Variants in PHF21A observed in about 807,000 individuals in gnomAD.
PHF21A encodes the protein BHC80a.
Under a neutral mutation model 82.5 loss-of-function variants are expected in PHF21A, and 11 were observed. The ratio of observed to expected loss-of-function variants is 0.13; its 90% CI spans 0.08 to 0.22. The LOEUF (loss-of-function observed/expected upper bound fraction) is 0.22. Among genes scored for constraint, PHF21A ranks in the 10% least tolerant of loss-of-function variants. The probability of loss-of-function intolerance (pLI) is 1.00; values close to 1 mark genes in which losing one functional copy is unlikely to be tolerated. For missense variants in PHF21A, 579 were observed against 837.8 expected (o/e 0.69, Z 3.81); for synonymous variants, 297 against 302.8 (o/e 0.98, Z 0.20).
chr11:46,097,631 A>G (rs965571235), intron 1 of PHF21A, among the ~76,000 whole-genome samples: 21 of 152,156 alleles, frequency 1.4e-4, no homozygotes, highest in African/African-American at 4.8e-4. Flanking sequence ...CTCTCTAACT[A>G]TCCAAATCTC....
At chr11:46,021,086 G>T (rs1013110520) in intron 6 of PHF21A, among the ~76,000 whole-genome samples, 1 of 151,208 alleles carries the variant, frequency 6.6e-6, no homozygotes, top group Non-Finnish European at 1.5e-5. Flanking sequence ...GAGAGACAAG[G>T]TCTTACTCTA....
chr11:46,015,454 C>G lies in PHF21A; in HGVS notation c.154-35488G>C, dbSNP rs185973044. On this transcript the variant is annotated intron_variant, in intron 6 of 18. Transcript: ENST00000676320. ...AGAAAAGTATTTCCAAGGTTTTCTT[C>G]TAGGATTCTTATAGTTTGAGATTTT... is the stretch of plus-strand genomic sequence containing the variant. Among the ~76,000 whole-genome samples, 22 of 152,050 alleles carry G rather than the reference C, an allele frequency of 1.4e-4. No homozygotes were observed. In the East Asian group the frequency reaches 4.2e-3, roughly 29 times the overall value.
At chr11:45,940,370 AT>A (rs1057266525) in intron 15 of PHF21A, among the ~76,000 whole-genome samples, 3 of 151,798 alleles carry the variant, frequency 2.0e-5, no homozygotes, top group Non-Finnish European at 2.9e-5. Flanking sequence ...TAACTTTTAT[AT>A]TTTTAGTAGA....
intron 7 of PHF21A, among the ~76,000 whole-genome samples, chr11:45,976,562 C>A (rs1215703657): frequency 6.6e-6 from 1 of 152,196 alleles, no homozygotes; most frequent in Non-Finnish European, 1.5e-5. Flanking sequence ...GTTAGTAGTG[C>A]CAAGCGCAGT....
chr11:45,944,688 C>G lies in PHF21A; in HGVS notation c.1452+1152G>C, dbSNP rs556043991. The stretch of plus-strand genomic sequence containing the variant: ...CCCTCTGCCTGGCAGGCTCTTCCCC[C>G]AGATCCTCCCGAGGCTTCACCACTC... On this transcript the variant is annotated intron_variant, in intron 15 of 18. Transcript: ENST00000676320. 7.2e-5 allele frequency among the ~76,000 whole-genome samples: 11 copies of G among 152,382 alleles called. No individual in the cohort carries two copies. In the South Asian group the frequency reaches 2.1e-3, roughly 29 times the overall value.
In PHF21A at chr11:45,962,883, A is replaced by G. The variant is rs1305671323; in HGVS notation, c.996+2432T>C. Among the ~76,000 whole-genome samples the G allele has an allele frequency of 2.6e-5, 4 of 151,536 alleles. No homozygotes were observed. The South Asian group carries it at 8.4e-4, about 32-fold the overall frequency. On this transcript the variant is annotated intron_variant, in intron 10 of 18. Transcript: ENST00000676320. ...ACTCCAGCCTGGGCGACAGAGCGAG[A>G]CTCTGTCTCAAAAAAGAGAAGAGAG...
intron 4 of PHF21A, among the ~76,000 whole-genome samples, chr11:46,082,313 G>A (rs531627480): frequency 1.1e-4 from 16 of 152,090 alleles, no homozygotes; most frequent in African/African-American, 3.9e-4. Context: ...CCACTATTTC[G>A]TCAAATGTAT....
chr11:46,119,146 T>C (rs553485900), intron 1 of PHF21A, among the ~76,000 whole-genome samples: 1 of 152,054 alleles, frequency 6.6e-6, no homozygotes, highest in African/African-American at 2.4e-5. Flanking sequence ...CAAATTAATC[T>C]GATTCTAATA....
intron 10 of PHF21A, among the ~76,000 whole-genome samples, chr11:45,964,200 A>AAATAATAATAATAATAATAAT (rs58644528): frequency 0.029 from 3,916 of 134,538 alleles, 88 homozygotes; most frequent in Non-Finnish European, 0.035. Context: ...CTCCATCTCA[A>AAATAATAATAATAATAATAAT]AATAATAATA....
chr11:46,085,911 T>C (rs2096851235), intron 3 of PHF21A, among the ~76,000 whole-genome samples: 1 of 152,084 alleles, frequency 6.6e-6, no homozygotes, highest in Non-Finnish European at 1.5e-5. Context: ...TACTAGATTA[T>C]ATAACATCAA....
chr11:45,945,088 T>C (rs1314774628), intron 15 of PHF21A, among the ~76,000 whole-genome samples: 3 of 152,220 alleles, frequency 2.0e-5, no homozygotes, highest in Non-Finnish European at 4.4e-5. Context: ...GCACTTATCA[T>C]TACCTGACAT....
intron 11 of PHF21A, among the ~76,000 whole-genome samples, chr11:45,952,051 C>T (rs1272202485): frequency 1.3e-5 from 2 of 152,122 alleles, no homozygotes; most frequent in Non-Finnish European, 2.9e-5. Context: ...GTGGTCCGCC[C>T]GCCTCAGCCT....
chr11:46,116,984 A>C (rs951080060), intron 1 of PHF21A: 7 of 152,252 alleles, frequency 4.6e-5, no homozygotes, highest in African/African-American at 1.7e-4. Context: ...AAAAAAATAA[A>C]AAAACTATAG....
At chr11:46,082,150 A>G (rs983277421) in intron 4 of PHF21A, among the ~76,000 whole-genome samples, 5 of 152,216 alleles carry the variant, frequency 3.3e-5, no homozygotes, top group Non-Finnish European at 5.9e-5. Context: ...TTTCATAACT[A>G]TCTCACCATT....
intron 1 of PHF21A, among the ~76,000 whole-genome samples, chr11:46,100,087 A>G (rs2097072333): frequency 6.6e-6 from 1 of 152,216 alleles, no homozygotes; most frequent in South Asian, 2.1e-4. Context: ...CAAAAACCAC[A>G]AAGAAACAGG....
At chr11:45,964,994 T>C (rs1390151238) in intron 10 of PHF21A, among the ~76,000 whole-genome samples, 1 of 152,186 alleles carries the variant, frequency 6.6e-6, no homozygotes, top group Non-Finnish European at 1.5e-5. Flanking sequence ...CATGGCGTTT[T>C]CTGTTTACTA....
intron 6 of PHF21A, among the ~76,000 whole-genome samples, chr11:46,018,016 C>T (rs909017068): frequency 1.3e-5 from 2 of 151,876 alleles, no homozygotes; most frequent in African/African-American, 4.8e-5. Context: ...TTTGGGAGGC[C>T]GAGGCGGGCG....
intron 1 of PHF21A, among the ~76,000 whole-genome samples, chr11:46,119,310 T>C (rs775630715): frequency 9.2e-5 from 14 of 152,144 alleles, no homozygotes; most frequent in Admixed American, 2.0e-4. Context: ...AGCCACAAAG[T>C]TCACTGTCAA....
chr11:45,946,007 T>C lies in PHF21A; in HGVS notation c.1289-4A>G. On this transcript the variant is annotated splice_region_variant and splice_polypyrimidine_tract_variant and intron_variant, in intron 14 of 18. Coordinates refer to ENST00000676320, the MANE Select transcript of PHF21A (RefSeq NM_001352027.3). ...GCATTGTATTTTGGAGGACGACCTA[T>C]ATACCAAGAGAAGGGAACAAAAGGG... 3.1e-6 allele frequency: 5 copies of C among 1,613,788 alleles called. No individual in the cohort carries two copies. Among genetic ancestry groups the C allele is most frequent in the South Asian group, 1.1e-5 (1 of 91,066 alleles).
Sources: allele counts gnomAD v4.1 joint callset (sites outside exome capture counted in the v4.1 genomes callset), GRCh38; gene constraint gnomAD v4.1.1; transcripts MANE v1.5; gene names NCBI Gene and HGNC (gene_info 2026-07-23, HGNC 2026-07-21).